Variants in SCNN1B observed in about 807,000 individuals in gnomAD.
SCNN1B encodes epithelial sodium channel subunit beta.
In SCNN1B, 46 loss-of-function variants were observed where a neutral mutation model predicts 65.3. The observed-to-expected ratio is 0.70, with a 90% confidence interval of 0.56 to 0.90. The LOEUF (loss-of-function observed/expected upper bound fraction) is 0.90. Among genes scored for constraint, SCNN1B ranks in the 40% least tolerant of loss-of-function variants. SCNN1B has a pLI of 0.00. For missense variants in SCNN1B, 751 were observed against 830.5 expected (o/e 0.90, Z 1.18); for synonymous variants, 349 against 330.6 (o/e 1.06, Z -0.60).
intron 5 of SCNN1B, among the ~76,000 whole-genome samples, chr16:23,370,165 G>A (rs1398667563): frequency 1.3e-5 from 2 of 152,156 alleles, no homozygotes; most frequent in Middle Eastern, 3.2e-3. Flanking sequence ...CAGTGCAGTG[G>A]CGCAATCTCG....
At chr16:23,319,297 C>A (rs1021134065) in intron 1 of SCNN1B, among the ~76,000 whole-genome samples, 3 of 152,128 alleles carry the variant, frequency 2.0e-5, no homozygotes, top group African/African-American at 7.2e-5. Context: ...CCACCTGCCT[C>A]GGCCTCCCAA....
At chr16:23,284,084 A>C (rs1302789480) in intron 2 of SCNN1B, among the ~76,000 whole-genome samples, 4 of 152,144 alleles carry the variant, frequency 2.6e-5, no homozygotes, top group Admixed American at 2.6e-4. Flanking sequence ...TTGGCAGTAG[A>C]GCTTGGGAAA....
intron 7 of SCNN1B, among the ~76,000 whole-genome samples, chr16:23,375,270 G>C (rs1962869515): frequency 6.6e-6 from 1 of 152,246 alleles, no homozygotes; most frequent in South Asian, 2.1e-4. Flanking sequence ...CCTTCTCCTG[G>C]CTTTCCCTGG....
intron 6 of SCNN1B, 77 bp downstream of exon 6, chr16:23,371,539 C>A: frequency 6.8e-7 from 1 of 1,461,062 alleles, no homozygotes; most frequent in Non-Finnish European, 9.5e-7. Context: ...CTGCCCTTGG[C>A]CTGGGAGGAG....
intron 1 of SCNN1B, among the ~76,000 whole-genome samples, chr16:23,305,785 C>T (rs1231960029): frequency 1.3e-5 from 2 of 151,440 alleles, no homozygotes; most frequent in East Asian, 3.9e-4. Context: ...AAGCTGGCAA[C>T]TCTGGGCCAG....
chr16:23,363,286 G>A (rs1962588333), intron 4 of SCNN1B, among the ~76,000 whole-genome samples: 1 of 152,204 alleles, frequency 6.6e-6, no homozygotes, highest in Non-Finnish European at 1.5e-5. Flanking sequence ...CAGTCATGTA[G>A]GTAGTATTAT....
Position 23,353,123 on chromosome 16 carries a change from G to A in SCNN1B, c.585+49G>A, listed in dbSNP as rs778556675. 3 of 1,585,384 alleles carry A rather than the reference G, an allele frequency of 1.9e-6. No individual in the cohort carries two copies. The African/African-American group carries it at 4.0e-5, about 21-fold the overall frequency. On this transcript the variant is annotated intron_variant, in intron 3 of 12. Coordinates refer to ENST00000343070, the MANE Select transcript of SCNN1B (RefSeq NM_000336.3). ...CAAGCAATGGGCCCCACCCAGTGAG[G>A]CTGATGGGTGTTTCTTTTCTGTAGT...
intron 1 of SCNN1B, among the ~76,000 whole-genome samples, chr16:23,318,775 G>C (rs1961525816): frequency 6.6e-6 from 1 of 152,200 alleles, no homozygotes; most frequent in African/African-American, 2.4e-5. Context: ...GAAATTGCCA[G>C]CCAGAAAGGT....
chr16:23,322,275 C>T (rs536958705), intron 1 of SCNN1B, among the ~76,000 whole-genome samples: 17 of 152,124 alleles, frequency 1.1e-4, no homozygotes, highest in South Asian at 1.0e-3. Context: ...AGCCACAGAT[C>T]GGAATGGCAT....
chr16:23,372,931 C>G (rs1387223941), intron 7 of SCNN1B, among the ~76,000 whole-genome samples: 1 of 148,282 alleles, frequency 6.7e-6, no homozygotes, highest in South Asian at 2.1e-4. Context: ...GAAACCCCGT[C>G]TCTACTAAAA....
Position 23,377,197 on chromosome 16 carries a change from G to T in SCNN1B, c.1303G>T (p.Ala435Ser). 1 of 1,614,222 alleles carries T rather than the reference G, an allele frequency of 6.2e-7. No individual in the cohort carries two copies. Among genetic ancestry groups the T allele is most frequent in the African/African-American group, 1.3e-5 (1 of 75,068 alleles). Residue 435 changes from alanine to serine, a missense_variant, in exon 9 of 13, where the codon GCG (alanine) becomes TCG (serine). Ala to Ser is a moderately conservative substitution (Grantham distance 99, BLOSUM62 1). Transcript: ENST00000343070. ...CTACTCAGATCTACAGATGAGCGTGGCGCAGAGAGAGACCTGCATTGGCAT... is the reference window on the plus strand; with the variant it reads ...CTACTCAGATCTACAGATGAGCGTGTCGCAGAGAGAGACCTGCATTGGCAT... The part of the protein sequence containing the change: ...HCYSDLQMSV[A>S]QRETCIGMCK...
At chr16:23,346,412 G>A (rs543687363) in intron 1 of SCNN1B, among the ~76,000 whole-genome samples, 1 of 151,512 alleles carries the variant, frequency 6.6e-6, no homozygotes, top group African/African-American at 2.4e-5. Flanking sequence ...AGTAGAGACA[G>A]GGTTTCACTA....
intron 11 of SCNN1B, among the ~76,000 whole-genome samples, chr16:23,379,798 G>C (rs980485054): frequency 2.6e-5 from 4 of 152,210 alleles, no homozygotes; most frequent in Non-Finnish European, 4.4e-5. Context: ...CCATAGGATG[G>C]GTGCTGGGCA....
upstream of SCNN1B, among the ~76,000 whole-genome samples, chr16:23,301,135 G>T (rs994162012): frequency 6.6e-6 from 1 of 151,934 alleles, no homozygotes; most frequent in African/African-American, 2.4e-5. Context: ...AGCCCGAGGC[G>T]GGTGGATCAC....
At chr16:23,279,579 G>A (rs1960755547) in intron 1 of SCNN1B, among the ~76,000 whole-genome samples, 1 of 152,172 alleles carries the variant, frequency 6.6e-6, no homozygotes, top group East Asian at 1.9e-4. Context: ...GAAGAAATTT[G>A]GGAGTCCTCC....
At chr16:23,336,705 C>A (rs958010895) in intron 1 of SCNN1B, among the ~76,000 whole-genome samples, 3 of 151,998 alleles carry the variant, frequency 2.0e-5, no homozygotes, top group Non-Finnish European at 4.4e-5. Flanking sequence ...TCAGAGGAAC[C>A]TTTTTCTGAA....
At chr16:23,321,267 C>G (rs2141994388) in intron 1 of SCNN1B, among the ~76,000 whole-genome samples, 1 of 152,304 alleles carries the variant, frequency 6.6e-6, no homozygotes, top group South Asian at 2.1e-4. Context: ...ATCTCGAACT[C>G]TTACCCTCAA....
At chr16:23,342,365 A>T (rs1962071314) in intron 1 of SCNN1B, among the ~76,000 whole-genome samples, 1 of 152,236 alleles carries the variant, frequency 6.6e-6, no homozygotes, top group African/African-American at 2.4e-5. Context: ...CTCCTGCCTC[A>T]GTCTCCTGAG....
At chr16:23,318,826 C>T (rs1040394950) in intron 1 of SCNN1B, among the ~76,000 whole-genome samples, 9 of 152,156 alleles carry the variant, frequency 5.9e-5, no homozygotes, top group Non-Finnish European at 1.2e-4. Flanking sequence ...TCCCTGAAAT[C>T]CTGCCAGCAT....
Sources: gnomAD v4.1 joint callset for allele counts (sites outside exome capture counted in the v4.1 genomes callset) on GRCh38, gnomAD v4.1.1 for gene constraint, MANE v1.5 for transcripts, NCBI Gene and HGNC (gene_info 2026-07-23, HGNC 2026-07-21) for gene names.